Variants in PACS2 observed in about 807,000 individuals in gnomAD.
PACS2 encodes PACS1-like protein.
PACS2 carries 36 observed loss-of-function variants against 113.0 expected under a neutral mutation model. The ratio of observed to expected loss-of-function variants is 0.32; its 90% CI spans 0.24 to 0.42. The LOEUF (loss-of-function observed/expected upper bound fraction) is 0.42, where lower values mean the gene tolerates loss of function less well. Ranked by LOEUF, PACS2 falls within the 10% of genes least tolerant of loss-of-function variation. The pLI, the probability that PACS2 is intolerant of heterozygous loss-of-function variation, is 1.00. For synonymous variants in PACS2, 589 were observed against 536.1 expected, an observed-to-expected ratio of 1.10 and a Z score of -1.36; for missense variants, 1,015 against 1,239.5, an observed-to-expected ratio of 0.82 and a Z score of 2.72.
At chr14:105,326,975 C>T (rs140760645) in intron 1 of PACS2, among the ~76,000 whole-genome samples, 55 of 152,338 alleles carry the variant, frequency 3.6e-4, no homozygotes, top group African/African-American at 1.2e-3. Context: ...AAGGTTGTCG[C>T]GCCTTGGAAA....
At chr14:105,318,431 C>T (rs2058750512) in intron 1 of PACS2, among the ~76,000 whole-genome samples, 1 of 152,096 alleles carries the variant, frequency 6.6e-6, no homozygotes, top group East Asian at 1.9e-4. Context: ...CAGGTGTACA[C>T]CACCATGTCT....
At chr14:105,384,816 T>C in intron 17 of PACS2, 63 bp from the exon 18 acceptor site, 1 of 1,114,752 alleles carries the variant, frequency 9.0e-7, no homozygotes. Flanking sequence ...GAGGCCCAGC[T>C]TAGCCCCGCC....
At position 105,358,937 on chromosome 14, in the gene PACS2, A is replaced by G. The variant is rs142200450; in HGVS notation, c.423+3760A>G. 8.8e-4 allele frequency among the ~76,000 whole-genome samples: 134 copies of G among 152,342 alleles called. 1 individual carries two copies. The highest frequency in any genetic ancestry group is 3.1e-3 in the African/African-American group (130 of 41,576). ...CCAGTCAGGTGTGGGCTGCATATCA[A>G]TGGGTGGCCCCGTGAGAATATGATG... On this transcript the variant is annotated intron_variant, in intron 4 of 24. Coordinates refer to ENST00000447393, the MANE Select transcript of PACS2 (RefSeq NM_001100913.3). This position sits in a 1 kb window ranked among gnomAD's most constrained non-coding sequence, Gnocchi z 4.9.
At position 105,352,457 on chromosome 14, in the gene PACS2, T is replaced by C. The variant is rs1566930636; in HGVS notation, c.287T>C (p.Phe96Ser). The C allele has an allele frequency of 6.3e-7, 1 of 1,599,760 alleles. No individual in the cohort carries two copies. The highest frequency in any genetic ancestry group is 1.3e-5 in the African/African-American group (1 of 74,660). ...GQVETDLALT[F>S]SLQYPHFLKR... ...GTGGAGACAGACCTGGCCCTGACCT[T>C]CTCCTTGCAGGTGAGTCTTTCACCA... is the stretch of plus-strand genomic sequence containing the variant. The change falls in exon 3 of 25, where the codon TTC (phenylalanine) becomes TCC (serine). Residue 96 changes from phenylalanine (F) to serine (S), a missense_variant. Physicochemically the swap from Phe to Ser is radical, Grantham distance 155. Coordinates refer to ENST00000447393, the MANE Select transcript of PACS2 (RefSeq NM_001100913.3).
intron 4 of PACS2, among the ~76,000 whole-genome samples, chr14:105,360,317 A>G (rs1555406180): frequency 6.6e-6 from 1 of 152,130 alleles, no homozygotes; most frequent in Non-Finnish European, 1.5e-5. Context: ...AGGCGGGCGT[A>G]TCACCTGAGG....
chr14:105,304,219 C>T (rs777779363), intron 1 of PACS2, among the ~76,000 whole-genome samples: 12 of 152,142 alleles, frequency 7.9e-5, no homozygotes, highest in Non-Finnish European at 1.0e-4. Flanking sequence ...CAGCCAGGCT[C>T]GGTGGCTCAG....
chr14:105,301,589 C>G (rs2058031043), intron 1 of PACS2, among the ~76,000 whole-genome samples: 1 of 152,214 alleles, frequency 6.6e-6, no homozygotes, highest in Non-Finnish European at 1.5e-5. Flanking sequence ...GCCCCGCCCT[C>G]CGCATTTGCG....
chr14:105,358,219 G>A lies in PACS2; in HGVS notation c.423+3042G>A, dbSNP rs1339400726. 2.0e-5 allele frequency among the ~76,000 whole-genome samples: 3 copies of A among 152,184 alleles called. No homozygotes were observed. Among genetic ancestry groups the A allele is most frequent in the South Asian group, 2.1e-4 (1 of 4,836 alleles). On this transcript the variant is annotated intron_variant, in intron 4 of 24. Coordinates refer to ENST00000447393, the MANE Select transcript of PACS2 (RefSeq NM_001100913.3). The surrounding 1 kb of genome is among the most constrained non-coding windows in gnomAD (Gnocchi z 4.9). ...TCCAAGGTGGCCCAGGGTAGGGGCC[G>A]GGCCTCATGGGTGCCAGGAGCTGGA... is the stretch of plus-strand genomic sequence containing the variant.
upstream of PACS2, chr14:105,314,460 G>A (rs1357084515): frequency 6.7e-6 from 1 of 150,042 alleles, no homozygotes; most frequent in Non-Finnish European, 1.5e-5. Context: ...GGCTCCCGGG[G>A]GGCGGGGCGG....
chr14:105,332,842 T>G (rs1297894002), intron 1 of PACS2, among the ~76,000 whole-genome samples: 1 of 152,116 alleles, frequency 6.6e-6, no homozygotes, highest in Non-Finnish European at 1.5e-5. Flanking sequence ...CAGCCTTGAT[T>G]CCTAAACAAG....
intron 1 of PACS2, among the ~76,000 whole-genome samples, chr14:105,321,966 G>A (rs2058904773): frequency 6.6e-6 from 1 of 150,636 alleles, no homozygotes; most frequent in African/African-American, 2.4e-5. Context: ...TTGAGACAGA[G>A]TCTCGCTGTG....
intron 1 of PACS2, among the ~76,000 whole-genome samples, chr14:105,307,323 C>T (rs1004036041): frequency 6.6e-6 from 1 of 152,178 alleles, no homozygotes; most frequent in Non-Finnish European, 1.5e-5. Flanking sequence ...AGGCCAGGTA[C>T]CAGCTAGCTA....
chr14:105,358,806 T>C lies in PACS2; in HGVS notation c.423+3629T>C, dbSNP rs1446916276. 6.6e-6 allele frequency among the ~76,000 whole-genome samples: 1 copy of C among 152,186 alleles called. No homozygotes were observed. The highest frequency in any genetic ancestry group is 2.4e-5 in the African/African-American group (1 of 41,442). On this transcript the variant is annotated intron_variant, in intron 4 of 24. Transcript: ENST00000447393. This position sits in a 1 kb window ranked among gnomAD's most constrained non-coding sequence, Gnocchi z 4.9. Reference sequence around the variant, plus strand: ...GCTCATGGTGGGACACAGGAAGACCTCAGGGTAAGGACAGCGCGGGAGCGT... The same window carrying C: ...GCTCATGGTGGGACACAGGAAGACCCCAGGGTAAGGACAGCGCGGGAGCGT...
chr14:105,379,676 C>A (rs1054068987), intron 9 of PACS2, 63 bp from the exon 10 acceptor site: 2 of 1,342,816 alleles, frequency 1.5e-6, no homozygotes, highest in Non-Finnish European at 2.1e-6. Context: ...GGGAGAACTG[C>A]GCTTTCAGTG....
intron 6 of PACS2, 127 bp from the exon 7 acceptor site, chr14:105,368,332 T>G (rs2061018407): frequency 1.2e-6 from 1 of 860,560 alleles, no homozygotes; most frequent in Middle Eastern, 2.3e-4. Context: ...CAGGTGGCTC[T>G]GAGAGTCTTG....
chr14:105,369,275 C>T (rs1296856956), intron 7 of PACS2, among the ~76,000 whole-genome samples: 2 of 152,252 alleles, frequency 1.3e-5, no homozygotes, highest in African/African-American at 4.8e-5. Context: ...GTGCAGAACA[C>T]CAGCTTGAGC....
Position 105,382,595 on chromosome 14 carries a change from C to T in PACS2, c.1518+14C>T, listed in dbSNP as rs781928141. On this transcript the variant is annotated intron_variant, in intron 14 of 24. Coordinates refer to ENST00000447393, the MANE Select transcript of PACS2 (RefSeq NM_001100913.3). ...TGGCAGGGGCAGGTAGAGGGGCAGT[C>T]TCTTGGAGTGGAGGGTCAGGGTGTA... 1 of 1,493,852 alleles carries T rather than the reference C, an allele frequency of 6.7e-7. No homozygotes were observed. The highest frequency in any genetic ancestry group is 1.1e-5 in the South Asian group (1 of 88,708). The allele number at this position is 1,493,852 out of a possible 1,614,324, so 92.5% of individuals were successfully genotyped here.
upstream of PACS2, among the ~76,000 whole-genome samples, chr14:105,313,595 G>T (rs149839207): frequency 6.6e-6 from 1 of 152,340 alleles, no homozygotes; most frequent in East Asian, 1.9e-4. Context: ...CGGCATGAGG[G>T]CCTTTGCAGA....
chr14:105,375,853 C>T (rs1036624831), intron 8 of PACS2, among the ~76,000 whole-genome samples: 5 of 152,150 alleles, frequency 3.3e-5, no homozygotes, highest in African/African-American at 1.2e-4. Flanking sequence ...TCATAATGCC[C>T]GTCAGCTGGT....
Sources: gnomAD v4.1 joint callset for allele counts (sites outside exome capture counted in the v4.1 genomes callset) on GRCh38, gnomAD v4.1.1 for gene constraint, Gnocchi (gnomAD v3.1) non-coding constraint, MANE v1.5 for transcripts, NCBI Gene and HGNC (gene_info 2026-07-23, HGNC 2026-07-21) for gene names.